The following CDH13 variants were observed in gnomAD, a reference collection of about 807,000 sequenced individuals.
CDH13 encodes the protein cadherin-13.
Under a neutral mutation model 63.8 loss-of-function variants are expected in CDH13, and 24 were observed. The ratio of observed to expected loss-of-function variants is 0.38; its 90% CI spans 0.27 to 0.53. CDH13 has a LOEUF of 0.53. Ranked by LOEUF, CDH13 falls within the 20% of genes least tolerant of loss-of-function variation. The pLI is 0.85. For synonymous variants in CDH13, 503 were observed against 355.3 expected (o/e 1.42, Z -4.67); for missense variants, 1,049 against 903.1 (o/e 1.16, Z -2.07).
At chr16:82,892,918 A>G (rs1002278060) in intron 2 of CDH13, among the ~76,000 whole-genome samples, 6 of 152,340 alleles carry the variant, frequency 3.9e-5, no homozygotes, top group South Asian at 2.1e-4. Flanking sequence ...AGTAATCCCT[A>G]AACACATTTT....
chr16:83,728,955 T>G (rs2150948775), intron 10 of CDH13: 1 of 153,504 alleles, frequency 6.5e-6, no homozygotes, highest in East Asian at 1.9e-4. Context: ...GACAGCCACC[T>G]TCTTGCTGTG....
At chr16:82,866,801 G>C (rs974061504) in intron 2 of CDH13, among the ~76,000 whole-genome samples, 1 of 152,112 alleles carries the variant, frequency 6.6e-6, no homozygotes, top group Non-Finnish European at 1.5e-5. Context: ...GCCGAGATAA[G>C]GGGGAAGAGC....
intron 1 of CDH13, among the ~76,000 whole-genome samples, chr16:82,830,957 C>G (rs764210070): frequency 1.3e-5 from 2 of 152,106 alleles, no homozygotes; most frequent in Non-Finnish European, 2.9e-5. Context: ...GCCTGGTATA[C>G]AGAGGGTGCT....
At chr16:82,647,618 C>T (rs146241258) in intron 1 of CDH13, among the ~76,000 whole-genome samples, 25 of 141,840 alleles carry the variant, frequency 1.8e-4, no homozygotes, top group Non-Finnish European at 3.4e-4. Flanking sequence ...GATTTTATGC[C>T]ACAAATCTGG....
intron 3 of CDH13, among the ~76,000 whole-genome samples, chr16:83,033,593 G>A (rs547256659): frequency 5.3e-5 from 8 of 152,186 alleles, no homozygotes; most frequent in East Asian, 1.9e-4. Flanking sequence ...CGTGCTTCTC[G>A]TTTGCCAGGC....
chr16:83,650,756 A>T (rs1406967862), intron 8 of CDH13, among the ~76,000 whole-genome samples: 1 of 152,130 alleles, frequency 6.6e-6, no homozygotes, highest in African/African-American at 2.4e-5. Context: ...TGAGATTAGG[A>T]TTACGATTAG....
At position 83,795,251 on chromosome 16, in the gene CDH13, C is replaced by A; in HGVS notation, c.*221C>A. The A allele has an allele frequency of 3.7e-6, 2 of 537,922 alleles. No individual in the cohort carries two copies. The highest frequency in any genetic ancestry group is 2.4e-5 in the South Asian group (1 of 41,080). 33.3% of individuals were successfully genotyped at this position (537,922 alleles called of 1,614,324 possible). ...TAATTAATGGAATCTTCTGAATTTT[C>A]CCTGAATGTTTAAAGATCATGACAT... On this transcript the variant is annotated 3_prime_UTR_variant, in exon 14 of 14. Transcript: ENST00000567109.
chr16:83,244,559 C>T (rs1904794622), intron 5 of CDH13, among the ~76,000 whole-genome samples: 1 of 152,166 alleles, frequency 6.6e-6, no homozygotes, highest in South Asian at 2.1e-4. Flanking sequence ...TTCTTGCAAA[C>T]TGTTGATGAA....
At position 83,015,652 on chromosome 16, in the gene CDH13, C is replaced by CAT. The variant is rs1241950874; in HGVS notation, c.158-16353_158-16352dup. Reference sequence around the variant, plus strand: ...GGGGACCATATGCTTCAGCTTGCAGCATATATGTGTGTGTGTGTGTGTATG... The same window carrying CAT: ...GGGGACCATATGCTTCAGCTTGCAGCATATATATGTGTGTGTGTGTGTGTATG... On this transcript the variant is annotated intron_variant, in intron 2 of 13. Coordinates refer to ENST00000567109, the MANE Select transcript of CDH13 (RefSeq NM_001257.5). Among the ~76,000 whole-genome samples the CAT allele has an allele frequency of 3.0e-4, 19 of 62,684 alleles. No homozygotes were observed. In the South Asian group the frequency reaches 0.01, roughly 33 times the overall value. The allele number at this position is 62,684 out of a possible 152,430, so 41.1% of individuals were successfully genotyped here. A position where few individuals can be genotyped will look rare whatever the true frequency, so the allele number is the denominator to read the frequency against.
At chr16:82,919,981 G>C (rs191444816) in intron 2 of CDH13, among the ~76,000 whole-genome samples, 3 of 152,354 alleles carry the variant, frequency 2.0e-5, no homozygotes, top group Admixed American at 1.3e-4. Flanking sequence ...GATAGAAAGA[G>C]TAATATCGAG....
At chr16:82,817,664 G>T (rs572783901) in intron 1 of CDH13, among the ~76,000 whole-genome samples, 47 of 152,188 alleles carry the variant, frequency 3.1e-4, no homozygotes, top group African/African-American at 1.1e-3. Context: ...AAACAGCCAG[G>T]TGTGGTGGTG....
chr16:83,772,412 G>C (rs143002835), intron 11 of CDH13, among the ~76,000 whole-genome samples: 7 of 152,196 alleles, frequency 4.6e-5, no homozygotes, highest in Admixed American at 1.3e-4. Flanking sequence ...TAGAACACTG[G>C]ACATCCCAGA....
In CDH13 at chr16:83,319,650, G is replaced by A. The variant is rs910852170; in HGVS notation, c.637-25212G>A. ...ACTAAACAAAACTAGTGATAAAGGA[G>A]TGTAGCGAGTTTCATAAAACATCAT... On this transcript the variant is annotated intron_variant, in intron 5 of 13. Transcript: ENST00000567109. Among the ~76,000 whole-genome samples, 15 of 152,332 alleles carry A rather than the reference G, an allele frequency of 9.8e-5. 1 individual carries two copies. The highest frequency in any genetic ancestry group is 9.1e-4 in the Admixed American group (14 of 15,304).
chr16:83,492,667 C>G (rs765784307), intron 7 of CDH13, among the ~76,000 whole-genome samples: 17 of 152,200 alleles, frequency 1.1e-4, no homozygotes, highest in Non-Finnish European at 2.1e-4. Flanking sequence ...ATAGGACATT[C>G]AAAAGGCAGA....
intron 5 of CDH13, among the ~76,000 whole-genome samples, chr16:83,265,525 T>A (rs962611807): frequency 6.6e-6 from 1 of 152,294 alleles, no homozygotes; most frequent in South Asian, 2.1e-4. Context: ...CTTTATCTTA[T>A]GACCACTCTG....
At chr16:82,925,435 G>A (rs569400368) in intron 2 of CDH13, among the ~76,000 whole-genome samples, 1 of 152,228 alleles carries the variant, frequency 6.6e-6, no homozygotes, top group South Asian at 2.1e-4. Context: ...AAGAACAATG[G>A]GCTACACCAG....
chr16:83,243,605 T>G (rs12924378), intron 5 of CDH13, among the ~76,000 whole-genome samples: 21,791 of 152,078 alleles, frequency 0.14, 1,627 homozygotes, highest in Middle Eastern at 0.21. Context: ...GAGATTCACT[T>G]GGCAATTTTT....
At chr16:83,284,070 G>A (rs572879473) in intron 5 of CDH13, among the ~76,000 whole-genome samples, 90 of 152,280 alleles carry the variant, frequency 5.9e-4, no homozygotes, top group African/African-American at 2.1e-3. Context: ...TAGTCTGTGT[G>A]TTATCAAACA....
chr16:83,584,369 C>G (rs1905941523), intron 7 of CDH13, among the ~76,000 whole-genome samples: 1 of 152,114 alleles, frequency 6.6e-6, no homozygotes, highest in African/African-American at 2.4e-5. Flanking sequence ...TTCCAAGCAC[C>G]TCATAAGCAG....
Sources: gnomAD v4.1 joint callset for allele counts (sites outside exome capture counted in the v4.1 genomes callset) on GRCh38, gnomAD v4.1.1 for gene constraint, MANE v1.5 for transcripts, NCBI Gene and HGNC (gene_info 2026-07-23, HGNC 2026-07-21) for gene names.